The following NKAIN2 variants were observed in gnomAD, a reference collection of about 807,000 sequenced individuals.
The protein encoded by NKAIN2 is sodium/potassium transporting ATPase interacting 2.
A neutral mutation model predicts 32.6 loss-of-function variants in NKAIN2; 14 were observed. That is an observed-to-expected ratio of 0.43 (90% CI 0.28 to 0.67). NKAIN2 has a LOEUF of 0.67. Among genes scored for constraint, NKAIN2 ranks in the 30% least tolerant of loss-of-function variants. NKAIN2 has a pLI of 0.17. For missense variants in NKAIN2, 198 were observed against 258.3 expected, an observed-to-expected ratio of 0.77 and a Z score of 1.60; for synonymous variants, 80 against 87.2, an observed-to-expected ratio of 0.92 and a Z score of 0.46.
At chr6:124,772,267 A>C (rs2114762297) in intron 4 of NKAIN2, among the ~76,000 whole-genome samples, 1 of 152,280 alleles carries the variant, frequency 6.6e-6, no homozygotes, top group South Asian at 2.1e-4. Flanking sequence ...GTAGGGTGGA[A>C]GTATAGGTGT....
chr6:123,837,575 C>T (rs1215208165), intron 1 of NKAIN2, among the ~76,000 whole-genome samples: 2 of 152,104 alleles, frequency 1.3e-5, no homozygotes, highest in South Asian at 2.1e-4. Flanking sequence ...TTGATTTTTA[C>T]GAATGTAACA....
At chr6:124,600,260 C>T (rs1359338175) in intron 3 of NKAIN2, among the ~76,000 whole-genome samples, 2 of 152,038 alleles carry the variant, frequency 1.3e-5, no homozygotes, top group African/African-American at 4.8e-5. Flanking sequence ...TAAATGCCAT[C>T]CTTGTAAGTA....
intron 4 of NKAIN2, among the ~76,000 whole-genome samples, chr6:124,774,385 A>G (rs1778897338): frequency 6.6e-6 from 1 of 152,178 alleles, no homozygotes; most frequent in South Asian, 2.1e-4. Flanking sequence ...AACATCTGGA[A>G]GGATGGCATT....
intron 1 of NKAIN2, among the ~76,000 whole-genome samples, chr6:124,242,075 C>T (rs1793132324): frequency 6.6e-6 from 1 of 152,044 alleles, no homozygotes; most frequent in African/African-American, 2.4e-5. Context: ...AGAGCTTATG[C>T]ACAGCAAAAG....
rs115429151 is a variant in NKAIN2 at position 124,547,942 on chromosome 6, G to T, written c.274-110244G>T. ...CAAATTTGTAGCCATTCAGGTCAGT[G>T]CAAAATAATGAATTTTGTTTCAATA... On this transcript the variant is annotated intron_variant, in intron 3 of 6. Transcript: ENST00000368417. Among the ~76,000 whole-genome samples the T allele has an allele frequency of 8.0e-3, 1,218 of 152,198 alleles. 23 individuals carry two copies. The highest frequency in any genetic ancestry group is 0.028 in the African/African-American group (1,147 of 41,536).
intron 1 of NKAIN2, among the ~76,000 whole-genome samples, chr6:124,000,200 C>G (rs1219871273): frequency 6.6e-6 from 1 of 152,020 alleles, no homozygotes; most frequent in Non-Finnish European, 1.5e-5. Flanking sequence ...GGAATAACTC[C>G]TATATTCTTA....
At chr6:124,606,212 T>C (rs1163455837) in intron 3 of NKAIN2, among the ~76,000 whole-genome samples, 2 of 152,004 alleles carry the variant, frequency 1.3e-5, no homozygotes, top group Non-Finnish European at 2.9e-5. Flanking sequence ...TATTATTTCT[T>C]GGAAATATCT....
At chr6:124,564,433 G>T (rs1322420972) in intron 3 of NKAIN2, among the ~76,000 whole-genome samples, 1 of 152,156 alleles carries the variant, frequency 6.6e-6, no homozygotes, top group Non-Finnish European at 1.5e-5. Context: ...CTGTAAAATG[G>T]ACCAATCAGT....
chr6:124,729,744 A>T (rs1010574232), intron 4 of NKAIN2, among the ~76,000 whole-genome samples: 79 of 151,610 alleles, frequency 5.2e-4, no homozygotes, highest in Non-Finnish European at 9.0e-4. Flanking sequence ...AAGGGTATTC[A>T]ATTAGGAAAA....
chr6:124,155,598 CT>C lies in NKAIN2; in HGVS notation c.55-127394del, dbSNP rs1196817378. Among the ~76,000 whole-genome samples, 1,304 of 141,608 alleles carry C rather than the reference CT, an allele frequency of 9.2e-3. 8 individuals carry two copies. Among genetic ancestry groups the C allele is most frequent in the South Asian group, 0.017 (76 of 4,524 alleles). 92.9% of individuals were successfully genotyped at this position (141,608 alleles called of 152,430 possible). On this transcript the variant is annotated intron_variant, in intron 1 of 6. Coordinates refer to ENST00000368417, the MANE Select transcript of NKAIN2 (RefSeq NM_001040214.3). ...AACATATGTGTGTAATATATGCTAT[CT>C]TTTTTTTTTTTTGCTATTCTGTGTG...
chr6:124,741,341 T>C (rs1490829594), intron 4 of NKAIN2, among the ~76,000 whole-genome samples: 1 of 151,786 alleles, frequency 6.6e-6, no homozygotes, highest in African/African-American at 2.4e-5. Flanking sequence ...AATAGCAACA[T>C]TAAAAGAAAA....
intron 1 of NKAIN2, among the ~76,000 whole-genome samples, chr6:124,153,593 C>G (rs802253): frequency 0.8 from 121,333 of 151,476 alleles, 49,699 homozygotes; most frequent in South Asian, 0.9. Context: ...ATTCCATTAC[C>G]CTTTTTCCCC....
At chr6:124,090,830 GA>G (rs1784385400) in intron 1 of NKAIN2, among the ~76,000 whole-genome samples, 1 of 151,912 alleles carries the variant, frequency 6.6e-6, no homozygotes, top group Non-Finnish European at 1.5e-5. Context: ...ATTTAACTAT[GA>G]AACATTTTAA....
intron 2 of NKAIN2, among the ~76,000 whole-genome samples, chr6:124,336,686 T>TG (rs1397926686): frequency 1.2e-3 from 176 of 150,418 alleles, no homozygotes; most frequent in African/African-American, 4.2e-3. Flanking sequence ...TTGTTTGTTT[T>TG]TTTTTTGAGA....
rs1334641268 is a variant in NKAIN2 at position 124,167,359 on chromosome 6, C to T, written c.55-115646C>T. On this transcript the variant is annotated intron_variant, in intron 1 of 6. Coordinates refer to ENST00000368417, the MANE Select transcript of NKAIN2 (RefSeq NM_001040214.3). ...TATAAGAATGCTTGTGATTTTTGTACATTGATTTTGTATCCTGAGACATTG... is the reference window on the plus strand; with the variant it reads ...TATAAGAATGCTTGTGATTTTTGTATATTGATTTTGTATCCTGAGACATTG... Among the ~76,000 whole-genome samples, 67 of 151,716 alleles carry T rather than the reference C, an allele frequency of 4.4e-4. 2 individuals carry two copies. The highest frequency in any genetic ancestry group is 1.6e-3 in the African/African-American group (65 of 41,264).
rs547475708 is a variant in NKAIN2 at position 124,315,127 on chromosome 6, A to G, written c.192+31985A>G. On this transcript the variant is annotated intron_variant, in intron 2 of 6. Transcript: ENST00000368417. Reference sequence around the variant, plus strand: ...ATTAATGATGATTCCTAGAACTTATATTCCAGGAAGAACTGTATTTCTCTT... The same window carrying G: ...ATTAATGATGATTCCTAGAACTTATGTTCCAGGAAGAACTGTATTTCTCTT... 3.3e-5 allele frequency among the ~76,000 whole-genome samples: 5 copies of G among 152,210 alleles called. No individual in the cohort carries two copies. In the East Asian group the frequency reaches 9.6e-4, roughly 29 times the overall value.
intron 3 of NKAIN2, among the ~76,000 whole-genome samples, chr6:124,375,750 G>A (rs1248991291): frequency 6.6e-6 from 1 of 152,170 alleles, no homozygotes; most frequent in East Asian, 1.9e-4. Flanking sequence ...AGAAAGTTAA[G>A]AGGTTACAGA....
chr6:123,818,768 C>A (rs952879464), intron 1 of NKAIN2, among the ~76,000 whole-genome samples: 7 of 152,140 alleles, frequency 4.6e-5, no homozygotes, highest in African/African-American at 1.7e-4. Flanking sequence ...CCAGGCATTT[C>A]CGGCTTCATT....
chr6:124,034,061 T>G (rs234481), intron 1 of NKAIN2, among the ~76,000 whole-genome samples: 40,367 of 151,986 alleles, frequency 0.27, 5,600 homozygotes, highest in East Asian at 0.35. Context: ...GTGATGAACT[T>G]TTCAGCTGTT....
Sources: gnomAD v4.1 joint callset for allele counts (sites outside exome capture counted in the v4.1 genomes callset) on GRCh38, gnomAD v4.1.1 for gene constraint, MANE v1.5 for transcripts, NCBI Gene and HGNC (gene_info 2026-07-23, HGNC 2026-07-21) for gene names.